The following ELMO1 variants were observed in gnomAD, a reference collection of about 807,000 sequenced individuals.
ELMO1 encodes the protein engulfment and cell motility protein 1.
Under a neutral mutation model 98.9 loss-of-function variants are expected in ELMO1, and 26 were observed. The observed-to-expected ratio is 0.26, with a 90% confidence interval of 0.19 to 0.36. ELMO1 has a LOEUF of 0.36. Among genes scored for constraint, ELMO1 ranks in the 10% least tolerant of loss-of-function variants. The probability of loss-of-function intolerance (pLI) is 1.00; values close to 1 mark genes in which losing one functional copy is unlikely to be tolerated. For synonymous variants in ELMO1, 346 were observed against 346.0 expected, an observed-to-expected ratio of 1.00 and a Z score of 0.00; for missense variants, 627 against 935.2, an observed-to-expected ratio of 0.67 and a Z score of 4.30.
At chr7:37,337,770 C>T (rs796989318) in intron 2 of ELMO1, among the ~76,000 whole-genome samples, 2 of 152,050 alleles carry the variant, frequency 1.3e-5, no homozygotes, top group African/African-American at 4.8e-5. Context: ...AAAGCAAGGC[C>T]TGAGGGGGCA....
At chr7:36,901,478 A>G (rs953391535) in intron 16 of ELMO1, among the ~76,000 whole-genome samples, 3 of 152,236 alleles carry the variant, frequency 2.0e-5, no homozygotes, top group Admixed American at 1.3e-4. Context: ...CAGACAATAT[A>G]TAAGTGAATG....
chr7:36,881,658 C>CGTGCGT (rs1266684500), intron 18 of ELMO1, among the ~76,000 whole-genome samples: 4 of 152,084 alleles, frequency 2.6e-5, no homozygotes, highest in African/African-American at 9.7e-5. Flanking sequence ...CTTTTTCTTG[C>CGTGCGT]GTGCGTGTGC....
intron 13 of ELMO1, among the ~76,000 whole-genome samples, chr7:37,150,840 T>A (rs925911279): frequency 1.3e-5 from 2 of 152,212 alleles, no homozygotes; most frequent in Non-Finnish European, 2.9e-5. Context: ...ATGCATCGAT[T>A]TTCACTTATA....
chr7:37,264,616 A>G (rs1439297716), intron 5 of ELMO1, among the ~76,000 whole-genome samples: 1 of 152,222 alleles, frequency 6.6e-6, no homozygotes, highest in Admixed American at 6.5e-5. Context: ...TCTCTGTATC[A>G]GACAGCAAGT....
At position 37,039,318 on chromosome 7, in the gene ELMO1, G is replaced by A. The variant is rs902049447; in HGVS notation, c.1301-25883C>T. On this transcript the variant is annotated intron_variant, in intron 15 of 21. Transcript: ENST00000310758. ...CATTCTTTCCATAATAATAAGAGCT[G>A]CTTTGACGCCTAGAAGCCTCCTGGG... Among the ~76,000 whole-genome samples the A allele has an allele frequency of 6.6e-5, 10 of 152,272 alleles. No individual in the cohort carries two copies. The South Asian group carries it at 2.1e-3, about 32-fold the overall frequency.
intron 13 of ELMO1, among the ~76,000 whole-genome samples, chr7:37,154,334 A>G (rs1440548112): frequency 1.3e-5 from 2 of 152,226 alleles, no homozygotes; most frequent in Non-Finnish European, 2.9e-5. Flanking sequence ...TGACAGAAGT[A>G]GGCTTCAGAA....
chr7:37,028,048 T>TA (rs1480836785), intron 15 of ELMO1, among the ~76,000 whole-genome samples: 3 of 150,832 alleles, frequency 2.0e-5, no homozygotes, highest in Non-Finnish European at 4.4e-5. Context: ...TTTTTTTTTT[T>TA]AACAAGTATT....
intron 1 of ELMO1, among the ~76,000 whole-genome samples, chr7:37,427,438 C>T (rs1215399558): frequency 6.6e-6 from 1 of 152,256 alleles, no homozygotes; most frequent in African/African-American, 2.4e-5. Flanking sequence ...GTGACCAACA[C>T]TGCAACGTGT....
intron 15 of ELMO1, among the ~76,000 whole-genome samples, chr7:37,086,190 C>G (rs1170903348): frequency 6.6e-6 from 1 of 152,218 alleles, no homozygotes; most frequent in African/African-American, 2.4e-5. Context: ...AGGCAGGGCT[C>G]CAGCACCTTT....
At chr7:37,166,758 C>T (rs867169511) in intron 13 of ELMO1, among the ~76,000 whole-genome samples, 1 of 152,130 alleles carries the variant, frequency 6.6e-6, no homozygotes, top group South Asian at 2.1e-4. Context: ...TTACTTCCAA[C>T]TATGTGGTCA....
At chr7:37,156,625 T>C (rs905687565) in intron 13 of ELMO1, among the ~76,000 whole-genome samples, 1 of 152,082 alleles carries the variant, frequency 6.6e-6, no homozygotes, top group South Asian at 2.1e-4. Flanking sequence ...AACCAGGAAG[T>C]AGTTGAATCT....
intron 16 of ELMO1, among the ~76,000 whole-genome samples, chr7:36,995,933 A>G (rs1190377903): frequency 6.6e-6 from 1 of 152,126 alleles, no homozygotes; most frequent in East Asian, 1.9e-4. Context: ...CCCCATGCAG[A>G]GGGGTGTAAT....
intron 13 of ELMO1, among the ~76,000 whole-genome samples, chr7:37,188,487 T>TTAAAA (rs1318399531): frequency 3.1e-5 from 1 of 32,048 alleles, no homozygotes; most frequent in Admixed American, 4.4e-4. Context: ...TGGAGAAAGG[T>TTAAAA]AAAAAAAAAA....
intron 16 of ELMO1, among the ~76,000 whole-genome samples, chr7:36,908,716 C>T (rs575152254): frequency 2.0e-5 from 3 of 152,148 alleles, no homozygotes; most frequent in African/African-American, 7.2e-5. Context: ...TGGACCTTAC[C>T]ATGTATCTCA....
intron 1 of ELMO1, among the ~76,000 whole-genome samples, chr7:37,447,714 C>CCACACACACA (rs3054415): frequency 0.11 from 14,002 of 131,652 alleles, 759 homozygotes; most frequent in Admixed American, 0.12. Flanking sequence ...CGCGCACACA[C>CCACACACACA]CACACACACA....
At chr7:37,313,645 A>T (rs73690557) in intron 4 of ELMO1, among the ~76,000 whole-genome samples, 5,463 of 152,304 alleles carry the variant, frequency 0.036, 331 homozygotes, top group African/African-American at 0.12. Context: ...TCTGAGAAGC[A>T]TTCAGGCCTT....
chr7:36,987,286 C>G (rs1050487226), intron 16 of ELMO1, among the ~76,000 whole-genome samples: 3 of 152,022 alleles, frequency 2.0e-5, no homozygotes, highest in African/African-American at 7.2e-5. Flanking sequence ...GTGCTGCCAT[C>G]TCTCTCCTTA....
At chr7:37,171,016 A>G (rs981396909) in intron 13 of ELMO1, among the ~76,000 whole-genome samples, 4 of 152,196 alleles carry the variant, frequency 2.6e-5, no homozygotes, top group Non-Finnish European at 5.9e-5. Context: ...TTTATAGCAC[A>G]AAGGGCAAAT....
chr7:36,862,037 C>A (rs896531493), intron 20 of ELMO1: 7 of 353,526 alleles, frequency 2.0e-5, no homozygotes, highest in Admixed American at 7.8e-5. Context: ...GGTGACAGCA[C>A]CGCCTGCCTC....
Sources: gnomAD v4.1 joint callset for allele counts (sites outside exome capture counted in the v4.1 genomes callset) on GRCh38, gnomAD v4.1.1 for gene constraint, MANE v1.5 for transcripts, NCBI Gene and HGNC (gene_info 2026-07-23, HGNC 2026-07-21) for gene names.